DDR2: variants seen among roughly 807,000 people sequenced by gnomAD.
The protein encoded by DDR2 is discoidin domain-containing receptor 2.
A neutral mutation model predicts 94.9 loss-of-function variants in DDR2; 27 were observed. That is an observed-to-expected ratio of 0.28 (90% CI 0.21 to 0.39). The LOEUF (loss-of-function observed/expected upper bound fraction) is 0.39, where lower values mean the gene tolerates loss of function less well. DDR2 is among the 10% of genes least tolerant of loss of function. The pLI is 1.00. For synonymous variants in DDR2, 382 were observed against 377.2 expected, an observed-to-expected ratio of 1.01 and a Z score of -0.15; for missense variants, 783 against 1,076.0, an observed-to-expected ratio of 0.73 and a Z score of 3.81.
intron 1 of DDR2, among the ~76,000 whole-genome samples, chr1:162,642,203 C>T (rs978522585): frequency 8.5e-5 from 13 of 152,094 alleles, no homozygotes; most frequent in Admixed American, 4.6e-4. Flanking sequence ...GTGATCCACC[C>T]GCCATGGCTT....
chr1:162,657,834 C>T (rs867761553), intron 2 of DDR2, among the ~76,000 whole-genome samples: 1 of 152,012 alleles, frequency 6.6e-6, no homozygotes, highest in Non-Finnish European at 1.5e-5. Context: ...CTTCCCTTCC[C>T]CTCCCCACTC....
chr1:162,685,796 GA>G (rs1336940775), intron 2 of DDR2, among the ~76,000 whole-genome samples: 5 of 152,136 alleles, frequency 3.3e-5, no homozygotes, highest in African/African-American at 9.7e-5. Flanking sequence ...GCAATCCTAT[GA>G]AGAAGGATTT....
chr1:162,746,385 C>T (rs900362147), intron 3 of DDR2, among the ~76,000 whole-genome samples: 8 of 152,200 alleles, frequency 5.3e-5, no homozygotes, highest in Admixed American at 1.3e-4. Flanking sequence ...CACACCAGTC[C>T]GAGATCGAAC....
intron 2 of DDR2, among the ~76,000 whole-genome samples, chr1:162,684,830 C>T (rs1050859662): frequency 1.1e-4 from 16 of 151,108 alleles, no homozygotes; most frequent in African/African-American, 3.7e-4. Flanking sequence ...CACACACACA[C>T]ACACACACAC....
At chr1:162,711,727 T>C (rs1170923313) in intron 2 of DDR2, among the ~76,000 whole-genome samples, 1 of 152,190 alleles carries the variant, frequency 6.6e-6, no homozygotes, top group African/African-American at 2.4e-5. Flanking sequence ...TAGCTACATT[T>C]CAAAGGTGTT....
At chr1:162,717,747 G>A (rs1558043474) in intron 2 of DDR2, among the ~76,000 whole-genome samples, 1 of 152,070 alleles carries the variant, frequency 6.6e-6, no homozygotes, top group South Asian at 2.1e-4. Flanking sequence ...AGTCCACAGA[G>A]GTAAAGTGTC....
At chr1:162,675,017 G>T (rs1659061384) in intron 2 of DDR2, among the ~76,000 whole-genome samples, 1 of 152,128 alleles carries the variant, frequency 6.6e-6, no homozygotes, top group South Asian at 2.1e-4. Flanking sequence ...AACTAGCCGG[G>T]CATGGTGGTG....
At chr1:162,774,287 T>G (rs1219044850) in intron 14 of DDR2, among the ~76,000 whole-genome samples, 1 of 152,240 alleles carries the variant, frequency 6.6e-6, no homozygotes, top group Non-Finnish European at 1.5e-5. Context: ...GGTTGAAAGC[T>G]GGCTGTATGT....
At chr1:162,751,649 A>G (rs1275456820) in intron 3 of DDR2, among the ~76,000 whole-genome samples, 1 of 152,248 alleles carries the variant, frequency 6.6e-6, no homozygotes, top group Non-Finnish European at 1.5e-5. Flanking sequence ...ATTACTGGGT[A>G]TACACCCAAA....
intron 2 of DDR2, among the ~76,000 whole-genome samples, chr1:162,714,133 T>G (rs1042460767): frequency 2.0e-5 from 3 of 152,160 alleles, no homozygotes; most frequent in African/African-American, 7.2e-5. Context: ...CTTGGCCCAT[T>G]TTTCTAGTGG....
At chr1:162,710,313 A>G (rs1000505471) in intron 2 of DDR2, among the ~76,000 whole-genome samples, 2 of 152,146 alleles carry the variant, frequency 1.3e-5, no homozygotes, top group Admixed American at 6.5e-5. Context: ...GGCACATCCT[A>G]TGTGCCCAGA....
At chr1:162,744,231 A>C (rs1183119941) in intron 3 of DDR2, among the ~76,000 whole-genome samples, 2 of 152,212 alleles carry the variant, frequency 1.3e-5, no homozygotes, top group East Asian at 3.8e-4. Context: ...GTATAGGCAC[A>C]ATGTTGTACA....
At chr1:162,631,217 TGTGTGTG>T, upstream of DDR2, among the ~76,000 whole-genome samples, 1 of 143,372 alleles carries the variant, frequency 7.0e-6, no homozygotes, top group Non-Finnish European at 1.5e-5. Flanking sequence ...TGTGTGTGTG[TGTGTGTG>T]TGCGCTTTTC....
At chr1:162,692,448 A>ATTC (rs1044924628) in intron 2 of DDR2, among the ~76,000 whole-genome samples, 14 of 150,968 alleles carry the variant, frequency 9.3e-5, no homozygotes, top group African/African-American at 3.0e-4. Context: ...CAGGACATGT[A>ATTC]AGGACCTCTC....
At chr1:162,701,073 G>GAAAAA (rs397738963) in intron 2 of DDR2, among the ~76,000 whole-genome samples, 1 of 143,606 alleles carries the variant, frequency 7.0e-6, no homozygotes. Flanking sequence ...AAGAAGAACT[G>GAAAAA]AAAAAAAAAA....
chr1:162,761,094 C>T, intron 8 of DDR2, 117 bp from the exon 9 acceptor site: 1 of 1,450,002 alleles, frequency 6.9e-7, no homozygotes, highest in African/African-American at 1.4e-5. Flanking sequence ...CTTCCTCTTA[C>T]CTCAGTTCAG....
rs556604981 is a variant in DDR2, at chr1:162,706,657, G to A, written c.-27-12380G>A. ...TGGTGTCACACTTGGCCCTGGCAAT[G>A]TGGTATTTTTAACCTGGGCCAGAAA... On this transcript the variant is annotated intron_variant, in intron 2 of 17. Coordinates refer to ENST00000367921, the MANE Select transcript of DDR2 (RefSeq NM_006182.4). Among the ~76,000 whole-genome samples, 86 of 152,318 alleles carry A rather than the reference G, an allele frequency of 5.6e-4. 1 individual carries two copies. Among genetic ancestry groups the A allele is most frequent in the African/African-American group, 1.9e-3 (78 of 41,580 alleles).
chr1:162,728,958 T>C (rs1661859853), intron 3 of DDR2, among the ~76,000 whole-genome samples: 1 of 152,014 alleles, frequency 6.6e-6, no homozygotes, highest in Non-Finnish European at 1.5e-5. Context: ...CTGAACTTCA[T>C]AGGGTTACTG....
chr1:162,747,812 C>T (rs1215003068), intron 3 of DDR2, among the ~76,000 whole-genome samples: 1 of 152,200 alleles, frequency 6.6e-6, no homozygotes, highest in Non-Finnish European at 1.5e-5. Flanking sequence ...TCAGCAGAAA[C>T]TTTACAAGCC....
Sources: allele counts gnomAD v4.1 joint callset (sites outside exome capture counted in the v4.1 genomes callset), GRCh38; gene constraint gnomAD v4.1.1; transcripts MANE v1.5; gene names NCBI Gene and HGNC (gene_info 2026-07-23, HGNC 2026-07-21).